The following LRP1B variants were observed in gnomAD, a reference collection of about 807,000 sequenced individuals.
LRP1B encodes low-density lipoprotein receptor-related protein 1B.
LRP1B carries 217 observed loss-of-function variants against 556.6 expected under a neutral mutation model. That is an observed-to-expected ratio of 0.39 (90% CI 0.35 to 0.44). LRP1B has a LOEUF of 0.44. LRP1B is among the 20% of genes least tolerant of loss of function. The pLI is 1.00. For synonymous variants in LRP1B, 2,047 were observed against 1,865.8 expected, an observed-to-expected ratio of 1.10 and a Z score of -2.50; for missense variants, 5,053 against 5,620.8, an observed-to-expected ratio of 0.90 and a Z score of 3.23.
intron 1 of LRP1B, among the ~76,000 whole-genome samples, chr2:141,899,299 A>G (rs938967499): frequency 1.3e-5 from 2 of 152,128 alleles, no homozygotes; most frequent in African/African-American, 2.4e-5. Flanking sequence ...TTCTCGCAAC[A>G]TAAGATTTTC....
intron 11 of LRP1B, among the ~76,000 whole-genome samples, chr2:141,047,646 CA>C (rs1339638175): frequency 2.0e-5 from 3 of 152,006 alleles, no homozygotes; most frequent in African/African-American, 7.2e-5. Flanking sequence ...GGATTTTTTC[CA>C]AACTCCTTCA....
At chr2:141,053,574 G>T (rs2105452812) in intron 10 of LRP1B, among the ~76,000 whole-genome samples, 1 of 152,026 alleles carries the variant, frequency 6.6e-6, no homozygotes, top group Non-Finnish European at 1.5e-5. Context: ...CAGCCAGGTT[G>T]GTTTAATGGT....
chr2:141,094,898 T>C (rs563421797), intron 7 of LRP1B, among the ~76,000 whole-genome samples: 47 of 152,330 alleles, frequency 3.1e-4, no homozygotes, highest in African/African-American at 1.0e-3. Context: ...TGACAACCCC[T>C]GTTACGGTTT....
At chr2:142,006,399 T>G (rs577820872) in intron 1 of LRP1B, among the ~76,000 whole-genome samples, 10 of 152,356 alleles carry the variant, frequency 6.6e-5, no homozygotes, top group African/African-American at 2.2e-4. Context: ...GATTGGCTTC[T>G]TACATATTAG....
At chr2:141,815,732 C>T (rs150405939) in intron 1 of LRP1B, among the ~76,000 whole-genome samples, 2 of 152,156 alleles carry the variant, frequency 1.3e-5, no homozygotes, top group Middle Eastern at 3.4e-3. Flanking sequence ...GCAGCAACCT[C>T]CTTGGATCCC....
At chr2:142,043,354 T>C (rs1359951304) in intron 1 of LRP1B, among the ~76,000 whole-genome samples, 2 of 151,718 alleles carry the variant, frequency 1.3e-5, no homozygotes, top group East Asian at 1.9e-4. Context: ...TATGGTATGA[T>C]AGCAATGACT....
chr2:140,632,328 A>T (rs1683916299), intron 41 of LRP1B, among the ~76,000 whole-genome samples: 1 of 152,166 alleles, frequency 6.6e-6, no homozygotes, highest in Admixed American at 6.5e-5. Context: ...TAGCATATGG[A>T]TTAGTGAAAT....
intron 43 of LRP1B, among the ~76,000 whole-genome samples, chr2:140,556,526 T>C (rs1166298345): frequency 1.3e-5 from 2 of 152,080 alleles, no homozygotes; most frequent in Non-Finnish European, 2.9e-5. Flanking sequence ...TTTCACTATT[T>C]CTTGGGTTTA....
chr2:142,001,919 CTTATGT>C (rs1354030824), intron 1 of LRP1B, among the ~76,000 whole-genome samples: 1 of 152,032 alleles, frequency 6.6e-6, no homozygotes, highest in Non-Finnish European at 1.5e-5. Flanking sequence ...ACCCATGCAG[CTTATGT>C]TTATTTTAAT....
intron 15 of LRP1B, among the ~76,000 whole-genome samples, chr2:141,001,103 A>C: frequency 6.6e-6 from 1 of 152,086 alleles, no homozygotes; most frequent in East Asian, 1.9e-4. Context: ...TACATGATGA[A>C]TGCAAGTCCC....
chr2:141,715,769 C>T (rs138000006), intron 2 of LRP1B, among the ~76,000 whole-genome samples: 8 of 152,142 alleles, frequency 5.3e-5, no homozygotes, highest in East Asian at 1.9e-4. Flanking sequence ...GAGCCAAGAT[C>T]GCGTCATTGC....
chr2:140,407,051 A>G (rs1265364789), intron 66 of LRP1B, among the ~76,000 whole-genome samples: 1 of 152,160 alleles, frequency 6.6e-6, no homozygotes, highest in Non-Finnish European at 1.5e-5. Flanking sequence ...ATTTATAGCC[A>G]ACTGATCTTT....
chr2:141,929,097 A>C (rs979780171), intron 1 of LRP1B, among the ~76,000 whole-genome samples: 2 of 152,116 alleles, frequency 1.3e-5, no homozygotes, highest in Non-Finnish European at 2.9e-5. Flanking sequence ...AAAGCTACCC[A>C]GAAGTTGAAA....
chr2:142,109,368 C>A (rs189865640), intron 1 of LRP1B, among the ~76,000 whole-genome samples: 1 of 152,230 alleles, frequency 6.6e-6, no homozygotes, highest in Non-Finnish European at 1.5e-5. Context: ...TGCTGGCTCC[C>A]CAAAGCCTGC....
At chr2:141,788,736 T>C (rs1695508191) in intron 2 of LRP1B, among the ~76,000 whole-genome samples, 1 of 144,732 alleles carries the variant, frequency 6.9e-6, no homozygotes, top group Non-Finnish European at 1.5e-5. Flanking sequence ...CCCCTTCCTG[T>C]GTCCATGTGT....
chr2:140,493,282 A>G (rs549588919), intron 56 of LRP1B, among the ~76,000 whole-genome samples: 2 of 152,090 alleles, frequency 1.3e-5, no homozygotes, highest in South Asian at 2.1e-4. Context: ...CTTTATTTCT[A>G]CCTTATCAGC....
intron 1 of LRP1B, among the ~76,000 whole-genome samples, chr2:142,088,358 T>C (rs1020164632): frequency 3.3e-5 from 5 of 152,226 alleles, no homozygotes; most frequent in Admixed American, 6.5e-5. Flanking sequence ...TAGTTGGTTT[T>C]AGTATATTGC....
intron 35 of LRP1B, among the ~76,000 whole-genome samples, chr2:140,723,302 A>G (rs1463330949): frequency 6.6e-6 from 1 of 152,176 alleles, no homozygotes; most frequent in African/African-American, 2.4e-5. Context: ...AAAAATAATT[A>G]TATCCAACTT....
chr2:140,804,343 T>A (rs1690634069), intron 32 of LRP1B, among the ~76,000 whole-genome samples: 2 of 152,142 alleles, frequency 1.3e-5, no homozygotes, highest in Non-Finnish European at 2.9e-5. Context: ...CCATGATAAC[T>A]AGCCATAATA....
Sources: gnomAD v4.1 joint callset for allele counts (sites outside exome capture counted in the v4.1 genomes callset) on GRCh38, gnomAD v4.1.1 for gene constraint, MANE v1.5 for transcripts, NCBI Gene and HGNC (gene_info 2026-07-23, HGNC 2026-07-21) for gene names.